Variants in DLGAP1 observed in about 807,000 individuals in gnomAD.
The protein encoded by DLGAP1 is disks large-associated protein 1.
In DLGAP1, 11 loss-of-function variants were observed where a neutral mutation model predicts 90.8. The observed-to-expected ratio is 0.12, with a 90% CI of 0.08 to 0.20. DLGAP1 has a LOEUF of 0.20. DLGAP1 is among the 10% of genes least tolerant of loss of function. The probability of loss-of-function intolerance (pLI) is 1.00; values close to 1 mark genes in which losing one functional copy is unlikely to be tolerated. For missense variants in DLGAP1, 1,050 were observed against 1,333.8 expected, an observed-to-expected ratio of 0.79 and a Z score of 3.31; for synonymous variants, 558 against 540.7, an observed-to-expected ratio of 1.03 and a Z score of -0.44.
intron 2 of DLGAP1, among the ~76,000 whole-genome samples, chr18:4,019,459 GTCT>G (rs2074574437): frequency 2.0e-5 from 3 of 151,980 alleles, no homozygotes; most frequent in Admixed American, 6.6e-5. Flanking sequence ...ATGCAAAAGA[GTCT>G]TCTTAAAATG....
intron 1 of DLGAP1, among the ~76,000 whole-genome samples, chr18:4,200,732 A>G (rs1198938472): frequency 6.6e-6 from 1 of 152,136 alleles, no homozygotes; most frequent in Non-Finnish European, 1.5e-5. Context: ...AATGCCACCA[A>G]TACTTCACAG....
intron 1 of DLGAP1, among the ~76,000 whole-genome samples, chr18:4,312,604 G>A (rs1197080744): frequency 6.6e-6 from 1 of 151,970 alleles, no homozygotes; most frequent in Non-Finnish European, 1.5e-5. Context: ...CAAGATGAGG[G>A]GCATCTGTAC....
At chr18:4,424,138 G>T (rs760907836) in intron 1 of DLGAP1, among the ~76,000 whole-genome samples, 1 of 152,022 alleles carries the variant, frequency 6.6e-6, no homozygotes, top group Non-Finnish European at 1.5e-5. Context: ...GCAACAGAGC[G>T]AGACTCCATC....
At chr18:4,358,216 T>A in intron 1 of DLGAP1, among the ~76,000 whole-genome samples, 1 of 152,274 alleles carries the variant, frequency 6.6e-6, no homozygotes, top group South Asian at 2.1e-4. Context: ...AACAAACAGA[T>A]AAACAATACA....
chr18:4,334,324 T>C (rs2081022466), intron 1 of DLGAP1, among the ~76,000 whole-genome samples: 1 of 151,826 alleles, frequency 6.6e-6, no homozygotes, highest in African/African-American at 2.4e-5. Context: ...GTAAGTACTT[T>C]GTTTTTTTTG....
At chr18:3,715,102 C>T (rs1031184201) in intron 7 of DLGAP1, among the ~76,000 whole-genome samples, 1 of 152,202 alleles carries the variant, frequency 6.6e-6, no homozygotes, top group African/African-American at 2.4e-5. Flanking sequence ...GGAAGAAGCT[C>T]AACTGCTTAT....
chr18:3,540,374 C>T lies in DLGAP1; in HGVS notation c.2058-5759G>A, dbSNP rs116469280. On this transcript the variant is annotated intron_variant, in intron 9 of 12. Transcript: ENST00000315677. ...CCCAGCTACTCGGGAGGCTAAGGCA[C>T]GAGAATGGCTTGAAGAACCCGGGAG... Among the ~76,000 whole-genome samples the T allele has an allele frequency of 9.3e-3, 1,355 of 145,668 alleles. 7 individuals are homozygous for T. The highest frequency in any genetic ancestry group is 0.017 in the African/African-American group (663 of 39,304).
chr18:4,148,308 G>A (rs2144375540), intron 2 of DLGAP1, among the ~76,000 whole-genome samples: 1 of 152,188 alleles, frequency 6.6e-6, no homozygotes, highest in East Asian at 1.9e-4. Context: ...TGAGGTCAAA[G>A]AATAAAAATA....
At chr18:3,867,982 T>A (rs2070508970) in intron 4 of DLGAP1, among the ~76,000 whole-genome samples, 1 of 152,144 alleles carries the variant, frequency 6.6e-6, no homozygotes, top group South Asian at 2.1e-4. Context: ...GGCCTGTGGA[T>A]TTGATTTTTC....
At chr18:4,439,083 GGA>G (rs967700491) in intron 1 of DLGAP1, among the ~76,000 whole-genome samples, 1 of 152,128 alleles carries the variant, frequency 6.6e-6, no homozygotes, top group African/African-American at 2.4e-5. Flanking sequence ...CCGCCCCAAA[GGA>G]GAGACTGACC....
intron 7 of DLGAP1, among the ~76,000 whole-genome samples, chr18:3,712,360 C>T (rs892896800): frequency 1.3e-5 from 2 of 152,198 alleles, no homozygotes; most frequent in Non-Finnish European, 2.9e-5. Flanking sequence ...TCTGTCCTGA[C>T]CCTCCCTACT....
rs914742455 is a variant in DLGAP1, at chr18:3,660,026, A to G, written c.1591+69109T>C. Among the ~76,000 whole-genome samples, 13 of 152,246 alleles carry G rather than the reference A, an allele frequency of 8.5e-5. No homozygotes were observed. The highest frequency in any genetic ancestry group is 7.8e-4 in the Admixed American group (12 of 15,290). On this transcript the variant is annotated intron_variant, in intron 7 of 12. Transcript: ENST00000315677. This position sits in a 1 kb window ranked among gnomAD's most constrained non-coding sequence, Gnocchi z 4.2. Reference sequence around the variant, plus strand: ...CTTGCCTGCTGCCCTAAACTGCCCAATCTTCCTATAACCAGCTCTTTTCTT... The same window carrying G: ...CTTGCCTGCTGCCCTAAACTGCCCAGTCTTCCTATAACCAGCTCTTTTCTT...
chr18:4,328,465 G>T (rs886328195), intron 1 of DLGAP1, among the ~76,000 whole-genome samples: 2 of 151,880 alleles, frequency 1.3e-5, no homozygotes, highest in Non-Finnish European at 2.9e-5. Context: ...GGCACTTAGA[G>T]TTGTTTCCAG....
chr18:3,938,026 G>A (rs1226717632), intron 3 of DLGAP1, among the ~76,000 whole-genome samples: 1 of 152,176 alleles, frequency 6.6e-6, no homozygotes, highest in Non-Finnish European at 1.5e-5. Context: ...TGGTTATCTA[G>A]CATCTAATCT....
chr18:3,783,357 C>T (rs2148146024), intron 5 of DLGAP1, among the ~76,000 whole-genome samples: 1 of 152,274 alleles, frequency 6.6e-6, no homozygotes, highest in South Asian at 2.1e-4. Flanking sequence ...CACATATGTT[C>T]ATAGGAGCAT....
At chr18:3,974,208 G>A (rs2073520285) in intron 3 of DLGAP1, among the ~76,000 whole-genome samples, 1 of 151,994 alleles carries the variant, frequency 6.6e-6, no homozygotes, top group Admixed American at 6.5e-5. Flanking sequence ...CCGAGTAGCT[G>A]GGATCACAGG....
intron 5 of DLGAP1, among the ~76,000 whole-genome samples, chr18:3,757,624 A>G (rs991447395): frequency 2.0e-5 from 3 of 152,226 alleles, no homozygotes; most frequent in African/African-American, 7.2e-5. Context: ...CACCATATTA[A>G]GGAAACAAAG....
At position 3,874,265 on chromosome 18, in the gene DLGAP1, C is replaced by G. The variant is rs956419068; in HGVS notation, c.957+4847G>C. On this transcript the variant is annotated intron_variant, in intron 4 of 12. Transcript: ENST00000315677. ...AAAATTTCATCTCTGGGAGTGCTTT[C>G]CTTCTCGGTCTGTCTTGCTCTCTCT... The G allele has an allele frequency of 5.8e-6, 9 of 1,549,628 alleles. No individual in the cohort carries two copies. The Admixed American group carries it at 9.8e-5, about 17-fold the overall frequency.
chr18:3,798,480 A>G (rs2066122769), intron 5 of DLGAP1, among the ~76,000 whole-genome samples: 1 of 152,150 alleles, frequency 6.6e-6, no homozygotes, highest in Admixed American at 6.5e-5. Context: ...ACAATGTAGG[A>G]AAAAAACACA....
Sources: allele counts gnomAD v4.1 joint callset (sites outside exome capture counted in the v4.1 genomes callset), GRCh38; gene constraint gnomAD v4.1.1; non-coding constraint Gnocchi (gnomAD v3.1); transcripts MANE v1.5; gene names NCBI Gene and HGNC (gene_info 2026-07-23, HGNC 2026-07-21).